The following SRGAP2 variants were observed in gnomAD, a reference collection of about 807,000 sequenced individuals.
SRGAP2 encodes the protein SLIT-ROBO Rho GTPase activating protein 2.
SRGAP2 carries 15 observed loss-of-function variants against 57.2 expected under a neutral mutation model. That is an observed-to-expected ratio of 0.26 (90% CI 0.18 to 0.40). SRGAP2 has a LOEUF of 0.40. Ranked by LOEUF, SRGAP2 falls within the 10% of genes least tolerant of loss-of-function variation. SRGAP2 has a pLI of 1.00. For synonymous variants in SRGAP2, 249 were observed against 248.0 expected (o/e 1.00, Z -0.04); for missense variants, 520 against 669.6 (o/e 0.78, Z 2.47).
At chr1:206,373,174 C>T (rs1238823444) in intron 4 of SRGAP2, among the ~76,000 whole-genome samples, 1 of 143,710 alleles carries the variant, frequency 7.0e-6, no homozygotes, top group African/African-American at 2.6e-5. Context: ...CAGCTCACTG[C>T]AACCTCTGCC....
At chr1:206,404,791 T>C (rs1384482749) in intron 8 of SRGAP2, among the ~76,000 whole-genome samples, 5 of 152,182 alleles carry the variant, frequency 3.3e-5, no homozygotes, top group African/African-American at 1.2e-4. Context: ...ATGGCCTGGA[T>C]TTGTAAACAC....
intron 10 of SRGAP2, among the ~76,000 whole-genome samples, chr1:206,415,170 T>A (rs1316836976): frequency 6.6e-6 from 1 of 152,230 alleles, no homozygotes; most frequent in Non-Finnish European, 1.5e-5. Context: ...ATACGGTCTC[T>A]CACTGGGCAG....
rs566540287 is a variant in SRGAP2, at chr1:206,240,455, T to C, written c.67+34418T>C. 1.5e-3 allele frequency among the ~76,000 whole-genome samples: 229 copies of C among 152,254 alleles called. 1 individual carries two copies. Among genetic ancestry groups the C allele is most frequent in the Middle Eastern group, 3.4e-3 (1 of 294 alleles). On this transcript the variant is annotated intron_variant, in intron 2 of 22. Transcript: ENST00000573034. ...GTTCTCCAGTTTGGCTGTAAACTCA[T>C]GGAGCTGGCTCCTTGAAATGCTAGC...
chr1:206,292,872 G>A (rs1457729422), intron 2 of SRGAP2, among the ~76,000 whole-genome samples: 5 of 150,694 alleles, frequency 3.3e-5, no homozygotes, highest in Admixed American at 6.6e-5. Flanking sequence ...AGGATGCTTC[G>A]TAGGCATTTC....
chr1:206,240,344 A>G (rs1668145853), intron 2 of SRGAP2, among the ~76,000 whole-genome samples: 1 of 151,698 alleles, frequency 6.6e-6, no homozygotes, highest in Non-Finnish European at 1.5e-5. Context: ...GAGTTGGCCA[A>G]CTCAGGAATT....
At chr1:206,402,628 G>A (rs1658294873) in intron 8 of SRGAP2, among the ~76,000 whole-genome samples, 1 of 152,134 alleles carries the variant, frequency 6.6e-6, no homozygotes, top group Middle Eastern at 3.4e-3. Context: ...TACTTCCTGT[G>A]TGTTAACTCC....
chr1:206,255,803 G>A (rs1223540451), intron 2 of SRGAP2, among the ~76,000 whole-genome samples: 1 of 152,100 alleles, frequency 6.6e-6, no homozygotes, highest in Non-Finnish European at 1.5e-5. Flanking sequence ...GCAGACAGTA[G>A]GGAAAAAGCT....
At chr1:206,313,751 A>G (rs1365188700) in intron 3 of SRGAP2, among the ~76,000 whole-genome samples, 2 of 152,020 alleles carry the variant, frequency 1.3e-5, no homozygotes, top group Non-Finnish European at 2.9e-5. Context: ...CATGAGACCA[A>G]GGAAACCAGT....
intron 2 of SRGAP2, among the ~76,000 whole-genome samples, chr1:206,216,676 A>G (rs1415343010): frequency 4.7e-5 from 7 of 149,904 alleles, no homozygotes; most frequent in Non-Finnish European, 1.0e-4. Context: ...TTGTGAATGA[A>G]TGGTTCTGAA....
chr1:206,432,708 C>T (rs1553368730), intron 14 of SRGAP2, among the ~76,000 whole-genome samples: 1 of 152,148 alleles, frequency 6.6e-6, no homozygotes, highest in African/African-American at 2.4e-5. Flanking sequence ...GCTCCTCGGC[C>T]TCTAATGGGG....
intron 19 of SRGAP2, among the ~76,000 whole-genome samples, chr1:206,450,801 T>C (rs1558447858): frequency 6.6e-6 from 1 of 151,716 alleles, no homozygotes; most frequent in Non-Finnish European, 1.5e-5. Flanking sequence ...GAGAACAAAG[T>C]GAAGGAAAGT....
At chr1:206,372,947 C>CTT (rs1240254650) in intron 4 of SRGAP2, among the ~76,000 whole-genome samples, 2 of 11,034 alleles carry the variant, frequency 1.8e-4, no homozygotes, top group Non-Finnish European at 3.1e-4. Context: ...TTCTTTCTTT[C>CTT]TTTCTTTCTT....
At chr1:206,333,712 G>C (rs1434941062) in intron 3 of SRGAP2, among the ~76,000 whole-genome samples, 4 of 152,142 alleles carry the variant, frequency 2.6e-5, no homozygotes, top group Non-Finnish European at 4.4e-5. Flanking sequence ...TTTTAAAACA[G>C]GTGAAGAGAT....
intron 2 of SRGAP2, among the ~76,000 whole-genome samples, chr1:206,286,525 C>T (rs1165530161): frequency 6.8e-5 from 10 of 148,106 alleles, no homozygotes; most frequent in East Asian, 6.1e-4. Flanking sequence ...ACTGTGGCAT[C>T]GGGGATCAGC....
chr1:206,454,455 G>A lies in SRGAP2; in HGVS notation c.2361-423G>A, dbSNP rs977682529. On this transcript the variant is annotated intron_variant, in intron 20 of 22. Transcript: ENST00000573034. This position sits in a 1 kb window ranked among gnomAD's most constrained non-coding sequence, Gnocchi z 4.3. ...GGCGGTGTCCTGCCACGACGCCGCC[G>A]TCTCCAGAGCCACCACACAGTTGAC... 59 of 483,770 alleles carry A rather than the reference G, an allele frequency of 1.2e-4. No individual in the cohort carries two copies. In the East Asian group the frequency reaches 1.4e-3, roughly 12 times the overall value. The allele number at this position is 483,770 out of a possible 1,614,324, so 30.0% of individuals were successfully genotyped here.
rs1436518384 is a variant in SRGAP2 at position 206,329,735 on chromosome 1, A to G, written c.261-13111A>G. Among the ~76,000 whole-genome samples, 20 of 145,678 alleles carry G rather than the reference A, an allele frequency of 1.4e-4. No homozygotes were observed. In the South Asian group the frequency reaches 3.6e-3, roughly 26 times the overall value. ...GACGAAGGGGTTTTCTAGATAAACA[A>G]TCATGTCATCTGCAAACAGGGACAA... is the stretch of plus-strand genomic sequence containing the variant. On this transcript the variant is annotated intron_variant, in intron 3 of 22. Transcript: ENST00000573034.
At chr1:206,346,159 A>G (rs1675612970) in intron 4 of SRGAP2, among the ~76,000 whole-genome samples, 1 of 152,054 alleles carries the variant, frequency 6.6e-6, no homozygotes, top group African/African-American at 2.4e-5. Flanking sequence ...CTTCCCGGGG[A>G]TTTGCTTTGT....
At position 206,461,563 on chromosome 1, in the gene SRGAP2, A is replaced by G; in HGVS notation, c.*143A>G. 1.6e-6 allele frequency: 1 copy of G among 640,682 alleles called. No homozygotes were observed. The highest frequency in any genetic ancestry group is 2.6e-5 in the East Asian group (1 of 38,340). The allele number at this position is 640,682 out of a possible 1,614,324, so 39.7% of individuals were successfully genotyped here. Reference sequence around the variant, plus strand: ...CAGGAATTAGCCTCCCCGTCTCCCAAAACCTTGAGAATGAAGCCCTTGGTA... The same window carrying G: ...CAGGAATTAGCCTCCCCGTCTCCCAGAACCTTGAGAATGAAGCCCTTGGTA... On this transcript the variant is annotated 3_prime_UTR_variant, in exon 23 of 23. Transcript: ENST00000573034.
chr1:206,231,834 G>A lies in SRGAP2; in HGVS notation c.67+25797G>A, dbSNP rs1269538440. ...AGTACAGATGTAAGTCATCATGCCC[G>A]GCCTCGTTTCCTAATTTTAAAAATG... is the stretch of plus-strand genomic sequence containing the variant. On this transcript the variant is annotated intron_variant, in intron 2 of 22. Coordinates refer to ENST00000573034, the MANE Select transcript of SRGAP2 (RefSeq NM_015326.5). Among the ~76,000 whole-genome samples, 12 of 151,820 alleles carry A rather than the reference G, an allele frequency of 7.9e-5. 1 individual carries two copies. The highest frequency in any genetic ancestry group is 4.2e-4 in the South Asian group (2 of 4,790).
Sources: gnomAD v4.1 joint callset for allele counts (sites outside exome capture counted in the v4.1 genomes callset) on GRCh38, gnomAD v4.1.1 for gene constraint, Gnocchi (gnomAD v3.1) non-coding constraint, MANE v1.5 for transcripts, NCBI Gene and HGNC (gene_info 2026-07-23, HGNC 2026-07-21) for gene names.